Variants in TNIP1 observed in about 807,000 individuals in gnomAD.
TNIP1 encodes TNFAIP3-interacting protein 1.
Under a neutral mutation model 86.6 loss-of-function variants are expected in TNIP1, and 22 were observed. The observed-to-expected ratio is 0.25, with a 90% CI of 0.18 to 0.36. The LOEUF (loss-of-function observed/expected upper bound fraction) is 0.36, where lower values mean the gene tolerates loss of function less well. Among genes scored for constraint, TNIP1 ranks in the 10% least tolerant of loss-of-function variants. TNIP1 has a pLI of 1.00. For missense variants in TNIP1, 709 were observed against 820.6 expected (o/e 0.86, Z 1.66); for synonymous variants, 294 against 313.0 (o/e 0.94, Z 0.64).
intron 1 of TNIP1, among the ~76,000 whole-genome samples, chr5:151,073,395 G>A (rs540989537): frequency 3.5e-4 from 54 of 152,200 alleles, no homozygotes; most frequent in African/African-American, 1.3e-3. Context: ...AGACATTTTT[G>A]CTATTCTTGA....
At chr5:151,057,158 G>A (rs1760776069) in intron 5 of TNIP1, among the ~76,000 whole-genome samples, 1 of 152,222 alleles carries the variant, frequency 6.6e-6, no homozygotes, top group East Asian at 1.9e-4. Context: ...ACAGGCCACT[G>A]GTGGCTCCAC....
intron 1 of TNIP1, among the ~76,000 whole-genome samples, chr5:151,076,981 G>A (rs932204463): frequency 2.0e-5 from 3 of 152,232 alleles, no homozygotes; most frequent in Admixed American, 2.0e-4. Flanking sequence ...AAGTGGCAGA[G>A]GGTTGAAGGC....
intron 7 of TNIP1, 67 bp from the exon 8 acceptor site, chr5:151,050,014 A>T: frequency 6.2e-7 from 1 of 1,603,912 alleles, no homozygotes; most frequent in Non-Finnish European, 8.5e-7. Context: ...AGGGCTCCTT[A>T]ATGCTCACTA....
At chr5:151,041,685 A>G (rs1758433347) in intron 11 of TNIP1, among the ~76,000 whole-genome samples, 1 of 152,076 alleles carries the variant, frequency 6.6e-6, no homozygotes, top group South Asian at 2.1e-4. Context: ...AACACTTAAC[A>G]CACTTTTACT....
intron 1 of TNIP1, among the ~76,000 whole-genome samples, chr5:151,073,226 GAAA>G (rs1279821572): frequency 8.6e-5 from 9 of 104,278 alleles, no homozygotes; most frequent in African/African-American, 3.4e-4. Flanking sequence ...CATCTCAAAA[GAAA>G]AAAAAAAAAA....
intron 1 of TNIP1, among the ~76,000 whole-genome samples, chr5:151,066,130 A>G (rs1346420121): frequency 6.6e-6 from 1 of 152,200 alleles, no homozygotes; most frequent in East Asian, 1.9e-4. Context: ...CTAGGGGTGA[A>G]AGCAGAGGAG....
Position 151,035,014 on chromosome 5 carries a change from C to A in TNIP1, c.1575G>T (p.Lys525Asn). ...EKAREALRQQ[K>N]RKAKASGERY... is the part of the protein sequence containing the mutation. ...CAAGCCTCCTCACCTTTGCTTTCCT[C>A]TTCTGCTGTCTGAGGGCTTCTCTTG... The change falls in exon 15 of 18, where the codon AAG becomes AAT. Residue 525 changes from lysine to asparagine, a missense_variant. By Grantham distance (94) the Lys-to-Asn change is moderately conservative (BLOSUM62 0). Coordinates refer to ENST00000521591, the MANE Select transcript of TNIP1 (RefSeq NM_006058.5). 6.2e-7 allele frequency: 1 copy of A among 1,614,152 alleles called. No individual in the cohort carries two copies. Among genetic ancestry groups the A allele is most frequent in the South Asian group, 1.1e-5 (1 of 91,042 alleles).
intron 11 of TNIP1, among the ~76,000 whole-genome samples, chr5:151,039,479 C>T (rs1213846585): frequency 2.0e-5 from 3 of 152,156 alleles, no homozygotes; most frequent in African/African-American, 4.8e-5. Flanking sequence ...GATTCCGACA[C>T]CAGTTCATCC....
At chr5:151,070,643 G>A (rs1183266747) in intron 1 of TNIP1, among the ~76,000 whole-genome samples, 1 of 152,172 alleles carries the variant, frequency 6.6e-6, no homozygotes, top group Non-Finnish European at 1.5e-5. Flanking sequence ...GCAATATCCT[G>A]CAATTCCACC....
At chr5:151,060,840 A>T (rs1037596091) in intron 4 of TNIP1, among the ~76,000 whole-genome samples, 1 of 152,248 alleles carries the variant, frequency 6.6e-6, no homozygotes, top group Non-Finnish European at 1.5e-5. Context: ...AAGACTGCAG[A>T]TCCAGCATTC....
At chr5:151,052,683 T>C (rs913643918) in intron 6 of TNIP1, among the ~76,000 whole-genome samples, 3 of 152,242 alleles carry the variant, frequency 2.0e-5, no homozygotes, top group African/African-American at 4.8e-5. Context: ...TCCGTTATCC[T>C]TGCTCACAGC....
chr5:151,047,967 G>T (rs569315678), intron 8 of TNIP1, among the ~76,000 whole-genome samples: 52 of 152,298 alleles, frequency 3.4e-4, no homozygotes, highest in African/African-American at 1.2e-3. Flanking sequence ...CCTCCACACT[G>T]CACCCCCAAG....
At position 151,042,967 on chromosome 5, in the gene TNIP1, G is replaced by A. The variant is rs766972780; in HGVS notation, c.937-6C>T. 2.3e-5 allele frequency: 37 copies of A among 1,614,122 alleles called. No individual in the cohort carries two copies. The East Asian group carries it at 7.1e-4, about 31-fold the overall frequency. On this transcript the variant is annotated splice_polypyrimidine_tract_variant and splice_region_variant and intron_variant, in intron 9 of 17. Transcript: ENST00000521591. ...TGCTTGTTCACTTCCAGCAGCTGTG[G>A]GGAGAGACTGGAGTTAGCAGGAGAT...
At chr5:151,084,440 G>A (rs182257135), upstream of TNIP1, among the ~76,000 whole-genome samples, 252 of 107,474 alleles carry the variant, frequency 2.3e-3, no homozygotes, top group African/African-American at 9.9e-3. Flanking sequence ...GCAAGACTTC[G>A]TCTCAAAAAA....
Position 151,042,625 on chromosome 5 carries a change from G to T in TNIP1, c.1049C>A (p.Thr350Asn). 6.2e-7 allele frequency: 1 copy of T among 1,614,038 alleles called. No homozygotes were observed. Among genetic ancestry groups the T allele is most frequent in the Non-Finnish European group, 8.5e-7 (1 of 1,180,038 alleles). ...QKLADLQKQVTDLEAEREQKQ... is the reference protein window; with the variant it reads ...QKLADLQKQVNDLEAEREQKQ... ...CTGCTCCCGCTCGGCCTCCAGGTCAGTCACCTGCTTCTGCAAATCAGCCAG... is the reference window on the plus strand; with the variant it reads ...CTGCTCCCGCTCGGCCTCCAGGTCATTCACCTGCTTCTGCAAATCAGCCAG... The change falls in exon 11 of 18, where the codon ACT becomes AAT. Residue 350 changes from threonine to asparagine, a missense_variant. Transcript: ENST00000521591.
intron 6 of TNIP1, among the ~76,000 whole-genome samples, chr5:151,054,348 A>G (rs1025396488): frequency 3.9e-5 from 6 of 152,180 alleles, no homozygotes; most frequent in Non-Finnish European, 5.9e-5. Flanking sequence ...ACAGCCTTCA[A>G]CTGGAGGTGG....
chr5:151,034,166 A>C (rs1490515792), intron 15 of TNIP1, among the ~76,000 whole-genome samples: 3 of 149,510 alleles, frequency 2.0e-5, no homozygotes, highest in African/African-American at 5.0e-5. Context: ...TGGGCACAGA[A>C]GGCTAGTACA....
Position 151,059,858 on chromosome 5 carries a change from TGTGTGTGTGCGC to T in TNIP1, c.435+448_435+459del, listed in dbSNP as rs1304850362. On this transcript the variant is annotated intron_variant, in intron 5 of 17. Coordinates refer to ENST00000521591, the MANE Select transcript of TNIP1 (RefSeq NM_006058.5). ...GTGTGTGTGTGTGTGTGTGTGTGTG[TGTGTGTGTGCGC>T]GCGCGCGCGCGCATGCGTGTAAGTG... is the stretch of plus-strand genomic sequence containing the variant. Among the ~76,000 whole-genome samples the T allele has an allele frequency of 6.0e-3, 589 of 98,710 alleles. 16 individuals are homozygous for T. The highest frequency in any genetic ancestry group is 0.027 in the African/African-American group (556 of 20,382). The allele number at this position is 98,710 out of a possible 152,430, so 64.8% of individuals were successfully genotyped here.
upstream of TNIP1, among the ~76,000 whole-genome samples, chr5:151,084,004 G>C (rs148843298): frequency 7.9e-5 from 12 of 152,322 alleles, no homozygotes; most frequent in African/African-American, 2.9e-4. Context: ...TAGATGACTT[G>C]CCCAAGGTCT....
Sources: allele counts gnomAD v4.1 joint callset (sites outside exome capture counted in the v4.1 genomes callset), GRCh38; gene constraint gnomAD v4.1.1; transcripts MANE v1.5; gene names NCBI Gene and HGNC (gene_info 2026-07-23, HGNC 2026-07-21).